GRIA3: variants seen among roughly 807,000 people sequenced by gnomAD.
The protein encoded by GRIA3 is glutamate receptor 3.
Under a neutral mutation model 63.0 loss-of-function variants are expected in GRIA3, and 3 were observed. That is an observed-to-expected ratio of 0.05 (90% confidence interval 0.02 to 0.12). The LOEUF is 0.12. Ranked by LOEUF, GRIA3 falls within the 10% of genes least tolerant of loss-of-function variation. GRIA3 has a pLI of 1.00. For synonymous variants in GRIA3, 274 were observed against 257.9 expected, an observed-to-expected ratio of 1.06 and a Z score of -0.60; for missense variants, 347 against 700.9, an observed-to-expected ratio of 0.50 and a Z score of 5.70.
rs897920525 is a variant in GRIA3, at chrX:123,325,969, T to C, written c.509-57T>C. On this transcript the variant is annotated intron_variant, in intron 3 of 15. Transcript: ENST00000620443. ...GACTGTGACTAGAAATTCAGTAGAATCTTTAATACCTACAGAAAGATTTTT... is the reference window on the plus strand; with the variant it reads ...GACTGTGACTAGAAATTCAGTAGAACCTTTAATACCTACAGAAAGATTTTT... 4 of 1,004,403 alleles carry C rather than the reference T, an allele frequency of 4.0e-6. No individual in the cohort carries two copies. In the Admixed American group the frequency reaches 9.3e-5, roughly 23 times the overall value. 82.8% of individuals were successfully genotyped at this position (1,004,403 alleles called of 1,213,427 possible).
chrX:123,341,159 T>G (rs1335546992), intron 4 of GRIA3, among the ~76,000 whole-genome samples: 1 of 111,670 alleles, frequency 9.0e-6, no homozygotes, highest in African/African-American at 3.3e-5. Flanking sequence ...AAATGTCTGT[T>G]TTCAATGCTT....
chrX:123,455,845 T>G (rs1186628319), intron 12 of GRIA3, among the ~76,000 whole-genome samples: 3 of 112,336 alleles, frequency 2.7e-5, no homozygotes, highest in Non-Finnish European at 5.6e-5. Flanking sequence ...GAAACCTTTC[T>G]AGTTGACTTG....
chrX:123,258,620 C>T (rs1052173296), intron 3 of GRIA3, among the ~76,000 whole-genome samples: 2 of 111,854 alleles, frequency 1.8e-5, no homozygotes, highest in East Asian at 5.6e-4. Flanking sequence ...CACCTGACAA[C>T]TCTCCTTGGC....
intron 3 of GRIA3, among the ~76,000 whole-genome samples, chrX:123,314,646 T>A (rs1007333614): frequency 8.9e-6 from 1 of 111,812 alleles, no homozygotes; most frequent in Non-Finnish European, 1.9e-5. Context: ...GGGCATGTTT[T>A]CTTAGCTCAC....
At chrX:123,317,504 T>C (rs1031959419) in intron 3 of GRIA3, among the ~76,000 whole-genome samples, 7 of 112,111 alleles carry the variant, frequency 6.2e-5, no homozygotes, top group South Asian at 3.7e-4. Flanking sequence ...ATTTTGTAAA[T>C]ACAGCCATTC....
At chrX:123,475,346 A>T (rs1483418582) in intron 13 of GRIA3, among the ~76,000 whole-genome samples, 3 of 112,399 alleles carry the variant, frequency 2.7e-5, no homozygotes, top group Non-Finnish European at 3.8e-5. Flanking sequence ...TATTTTAACA[A>T]ATCATGTCAC....
intron 3 of GRIA3, among the ~76,000 whole-genome samples, chrX:123,304,201 G>T (rs2044741245): frequency 9.1e-6 from 1 of 109,905 alleles, no homozygotes; most frequent in South Asian, 3.9e-4. Context: ...ACTTTCAATG[G>T]CATTTCAATA....
At chrX:123,420,695 C>T (rs1371027438) in intron 11 of GRIA3, among the ~76,000 whole-genome samples, 1 of 110,715 alleles carries the variant, frequency 9.0e-6, no homozygotes, top group Non-Finnish European at 1.9e-5. Flanking sequence ...AAAAAGCACT[C>T]TTCTCATTTT....
At chrX:123,460,048 T>G (rs756567767) in intron 12 of GRIA3, among the ~76,000 whole-genome samples, 8 of 111,970 alleles carry the variant, frequency 7.1e-5, no homozygotes, top group Non-Finnish European at 1.3e-4. Flanking sequence ...ATGCATTCAT[T>G]AATATCTGCC....
chrX:123,387,813 T>C (rs770895603), intron 5 of GRIA3, among the ~76,000 whole-genome samples: 8 of 112,448 alleles, frequency 7.1e-5, no homozygotes, highest in African/African-American at 1.9e-4. Flanking sequence ...TTTGGATAGA[T>C]TGTAGGATAC....
intron 4 of GRIA3, 63 bp downstream of exon 4, chrX:123,326,276 C>T: frequency 1.1e-6 from 1 of 884,205 alleles, no homozygotes; most frequent in Non-Finnish European, 1.6e-6. Context: ...AGTCAGCTCC[C>T]ATATCTGCTA....
chrX:123,353,222 C>T (rs1798345280), intron 4 of GRIA3, among the ~76,000 whole-genome samples: 1 of 111,933 alleles, frequency 8.9e-6, no homozygotes, highest in Admixed American at 9.5e-5. Flanking sequence ...ATCTCTTCTT[C>T]CTCTTGTCCA....
chrX:123,216,998 CT>C (rs1333890539), intron 2 of GRIA3, among the ~76,000 whole-genome samples: 1 of 112,102 alleles, frequency 8.9e-6, no homozygotes, highest in East Asian at 2.8e-4. Flanking sequence ...CTCAAATAGC[CT>C]TTTAGTACTA....
chrX:123,184,555 T>C lies in GRIA3; in HGVS notation c.20T>C (p.Met7Thr). MARQKK[M>T]GQSVLRAVFF... ...CGTAGCATGGCCAGGCAGAAGAAAA[T>C]GGGGCAAAGCGTGCTCCGGGCGGTC... The change falls in exon 1 of 16, where the codon ATG (methionine) becomes ACG (threonine). Residue 7 changes from methionine to threonine, a missense_variant. By Grantham distance (81) the Met-to-Thr change is moderately conservative. Around this residue, in one of 8 missense-constraint regions of GRIA3, gnomAD observed 36 missense variants for 28.2 expected, o/e 1.28. Transcript: ENST00000620443. 4 of 1,208,849 alleles carry C rather than the reference T, an allele frequency of 3.3e-6. No individual in the cohort carries two copies. Among genetic ancestry groups the C allele is most frequent in the Non-Finnish European group, 4.5e-6 (4 of 893,715 alleles).
rs1171082650 is a variant in GRIA3 at position 123,312,501 on chromosome X, G to T, written c.509-13525G>T. ...CTGGAGAAGGCTGTGCCTTGCATGA[G>T]AATTTGTGTGAGTAAGCAGGGTGAA... On this transcript the variant is annotated intron_variant, in intron 3 of 15. Coordinates refer to ENST00000620443, the MANE Select transcript of GRIA3 (RefSeq NM_007325.5). Among the ~76,000 whole-genome samples, 4 of 112,320 alleles carry T rather than the reference G, an allele frequency of 3.6e-5. No individual in the cohort carries two copies. The East Asian group carries it at 1.1e-3, about 32-fold the overall frequency.
At chrX:123,197,337 C>A (rs750414764) in intron 2 of GRIA3, among the ~76,000 whole-genome samples, 29 of 111,546 alleles carry the variant, frequency 2.6e-4, no homozygotes, top group Non-Finnish European at 4.3e-4. Context: ...TCAGCCTGGC[C>A]AACATGGTGA....
chrX:123,426,010 G>T (rs1438808758), intron 11 of GRIA3, among the ~76,000 whole-genome samples: 1 of 31,593 alleles, frequency 3.2e-5, no homozygotes, highest in Non-Finnish European at 9.1e-5. Flanking sequence ...TGCTGGTACA[G>T]ACAGAGAAGA....
intron 7 of GRIA3, among the ~76,000 whole-genome samples, chrX:123,400,874 C>T (rs1282826668): frequency 2.7e-5 from 3 of 112,074 alleles, no homozygotes; most frequent in Non-Finnish European, 5.6e-5. Context: ...GCAAATAATG[C>T]AAAGATCAGC....
At chrX:123,471,149 G>C (rs776010450) in intron 13 of GRIA3, among the ~76,000 whole-genome samples, 6 of 111,012 alleles carry the variant, frequency 5.4e-5, no homozygotes, top group Non-Finnish European at 7.5e-5. Flanking sequence ...CACTAAATTT[G>C]CTCCTTGAAC....
Sources: gnomAD v4.1 joint callset for allele counts (sites outside exome capture counted in the v4.1 genomes callset) on GRCh38, gnomAD v4.1.1 for gene constraint, gnomAD v4.1.1 regional missense constraint, MANE v1.5 for transcripts, NCBI Gene and HGNC (gene_info 2026-07-23, HGNC 2026-07-21) for gene names.